ZNF624: variants seen among roughly 807,000 people sequenced by gnomAD.
ZNF624 encodes zinc finger protein 624.
Under a neutral mutation model 74.7 loss-of-function variants are expected in ZNF624, and 43 were observed. The ratio of observed to expected loss-of-function variants is 0.58; its 90% CI spans 0.45 to 0.74. The LOEUF (loss-of-function observed/expected upper bound fraction) is 0.74, where lower values mean the gene tolerates loss of function less well. ZNF624 is among the 30% of genes least tolerant of loss of function. ZNF624 has a pLI of 0.00. For synonymous variants in ZNF624, 331 were observed against 341.3 expected (o/e 0.97, Z 0.33); for missense variants, 820 against 1,030.0 (o/e 0.80, Z 2.79).
In ZNF624 at chr17:16,624,103, T is replaced by G; in HGVS notation, c.783A>C (p.Ser261=). 1 of 1,614,222 alleles carries G rather than the reference T, an allele frequency of 6.2e-7. No homozygotes were observed. The highest frequency in any genetic ancestry group is 8.5e-7 in the Non-Finnish European group (1 of 1,180,032). Residue 261 remains serine, a synonymous_variant, in exon 6 of 6, where the codon TCA becomes TCC. Transcript: ENST00000311331. ...TGGATTTTTTCCCCAAAGTTAGTTC[T>G]GAAGTCTGCCTTATGGCTTTGCTGC... ...MKGSKAIRQT[S]ELTLGKKSNN... is the part of the protein sequence containing the mutation.
intron 2 of ZNF624, among the ~76,000 whole-genome samples, chr17:16,649,413 C>T (rs1269544713): frequency 1.3e-5 from 2 of 152,106 alleles, no homozygotes; most frequent in East Asian, 3.8e-4. Context: ...ATTAAAGATG[C>T]CTGTCATAAC....
At chr17:16,647,955 CAG>C (rs1490138588) in intron 2 of ZNF624, among the ~76,000 whole-genome samples, 1 of 151,146 alleles carries the variant, frequency 6.6e-6, no homozygotes, top group East Asian at 1.9e-4. Context: ...TTTTTTGAGA[CAG>C]AGTCTTACTC....
Position 16,622,491 on chromosome 17 carries a change from G to C in ZNF624, c.2395C>G (p.Gln799Glu), listed in dbSNP as rs1908943739. ...GGCCTCTCCCCAGTATGAATTCTCTGATGTAGGGTTAGCTGTGATAGAGTA... is the reference window on the plus strand; with the variant it reads ...GGCCTCTCCCCAGTATGAATTCTCTCATGTAGGGTTAGCTGTGATAGAGTA... ...CITLSQLTLH[Q>E]RIHTGERPYK... The change falls in exon 6 of 6, where the codon CAG becomes GAG. Residue 799 changes from glutamine (Q) to glutamate (E), a missense_variant. Physicochemically the swap from Gln to Glu is conservative, Grantham distance 29. Coordinates refer to ENST00000311331, the MANE Select transcript of ZNF624 (RefSeq NM_020787.4). The C allele has an allele frequency of 1.9e-6, 3 of 1,613,770 alleles. No individual in the cohort carries two copies. The highest frequency in any genetic ancestry group is 3.3e-5 in the Admixed American group (2 of 60,004).
At chr17:16,642,755 T>C (rs1368194864) in intron 3 of ZNF624, among the ~76,000 whole-genome samples, 1 of 152,182 alleles carries the variant, frequency 6.6e-6, no homozygotes, top group Non-Finnish European at 1.5e-5. Flanking sequence ...AGAAAATATT[T>C]ACAAACCATT....
chr17:16,617,755 C>T, downstream of ZNF624: 3 of 1,604,488 alleles, frequency 1.9e-6, no homozygotes, highest in South Asian at 3.3e-5. Context: ...CGGGAGTCCT[C>T]GAACTCCACG....
downstream of ZNF624, among the ~76,000 whole-genome samples, chr17:16,620,083 G>A (rs16959857): frequency 2.0e-5 from 3 of 152,028 alleles, no homozygotes; most frequent in African/African-American, 7.3e-5. Context: ...TCACATCAGT[G>A]TCTTTCCCAA....
At chr17:16,625,942 A>G (rs2142577602) in intron 5 of ZNF624, among the ~76,000 whole-genome samples, 1 of 151,330 alleles carries the variant, frequency 6.6e-6, no homozygotes, top group Middle Eastern at 3.4e-3. Flanking sequence ...GAATGGTTTT[A>G]TGATTTTTTT....
intron 3 of ZNF624, among the ~76,000 whole-genome samples, chr17:16,645,633 CAA>C (rs747605908): frequency 1.8e-5 from 2 of 108,278 alleles, no homozygotes; most frequent in Admixed American, 9.9e-5. Context: ...GACTACGCTA[CAA>C]AAAAAAAAAA....
chr17:16,648,626 A>G (rs2142656722), intron 2 of ZNF624, among the ~76,000 whole-genome samples: 1 of 152,368 alleles, frequency 6.6e-6, no homozygotes, highest in African/African-American at 2.4e-5. Context: ...GACCACAATC[A>G]CGGGTTATTA....
Position 16,635,527 on chromosome 17 carries a change from G to A in ZNF624, c.154-771C>T, listed in dbSNP as rs576418826. Among the ~76,000 whole-genome samples, 138 of 152,104 alleles carry A rather than the reference G, an allele frequency of 9.1e-4. 1 individual carries two copies. Among genetic ancestry groups the A allele is most frequent in the African/African-American group, 3.2e-3 (134 of 41,502 alleles). On this transcript the variant is annotated intron_variant, in intron 3 of 5. Coordinates refer to ENST00000311331, the MANE Select transcript of ZNF624 (RefSeq NM_020787.4). ...ATTAAGAGTAACATGAAACCAGCTG[G>A]TAGCATACTCACTCATTAGAGAGGA...
intron 4 of ZNF624, 152 bp downstream of exon 4, chr17:16,634,478 G>T: frequency 1.4e-6 from 1 of 727,182 alleles, no homozygotes; most frequent in Non-Finnish European, 2.2e-6. Flanking sequence ...TCTACAATGG[G>T]CAGATCATGT....
intron 3 of ZNF624, among the ~76,000 whole-genome samples, chr17:16,643,942 C>CA (rs1219714084): frequency 2.6e-5 from 4 of 152,170 alleles, no homozygotes; most frequent in Admixed American, 6.5e-5. Context: ...GTGTTTGTGT[C>CA]ATGGGGCTGG....
At position 16,623,327 on chromosome 17, in the gene ZNF624, C is replaced by T. The variant is rs140933333; in HGVS notation, c.1559G>A (p.Arg520Gln). ...NRIANFTEHQRIHTGEKPYKC... is the reference protein window; with the variant it reads ...NRIANFTEHQQIHTGEKPYKC... ...ATAGGGTTTTTCTCCTGTGTGAATT[C>T]GCTGATGTTCTGTGAAATTTGCGAT... The change falls in exon 6 of 6, where the codon CGA becomes CAA. Residue 520 changes from arginine (R) to glutamine (Q), a missense_variant. Transcript: ENST00000311331. This position sits in a 1 kb window ranked among gnomAD's most constrained non-coding sequence, Gnocchi z 5.3. 62 of 1,613,262 alleles carry T rather than the reference C, an allele frequency of 3.8e-5. 1 individual carries two copies. Among genetic ancestry groups the T allele is most frequent in the Admixed American group, 3.3e-4 (20 of 59,962 alleles).
chr17:16,622,108 T>G lies in ZNF624; in HGVS notation c.*180A>C, dbSNP rs1908928828. On this transcript the variant is annotated 3_prime_UTR_variant, in exon 6 of 6. Transcript: ENST00000311331. Reference sequence around the variant, plus strand: ...TCATTTGTTCATTATTTTCCTCTAGTGAGAGTTTCCTTATAACTTCTAAGA... The same window carrying G: ...TCATTTGTTCATTATTTTCCTCTAGGGAGAGTTTCCTTATAACTTCTAAGA... 2.3e-6 allele frequency: 1 copy of G among 436,878 alleles called. No individual in the cohort carries two copies. Among genetic ancestry groups the G allele is most frequent in the African/African-American group, 2.0e-5 (1 of 49,516 alleles). 27.1% of individuals were successfully genotyped at this position (436,878 alleles called of 1,614,324 possible). A position where few individuals can be genotyped will look rare whatever the true frequency, so the allele number is the denominator to read the frequency against.
intron 3 of ZNF624, among the ~76,000 whole-genome samples, chr17:16,642,556 T>C (rs1474619121): frequency 2.6e-5 from 4 of 152,110 alleles, no homozygotes; most frequent in African/African-American, 7.2e-5. Context: ...AACTAAACTA[T>C]AAAACTGTTA....
chr17:16,644,969 T>C (rs746887095), intron 3 of ZNF624, among the ~76,000 whole-genome samples: 1 of 152,154 alleles, frequency 6.6e-6, no homozygotes, highest in Non-Finnish European at 1.5e-5. Context: ...ACATGAGGGG[T>C]TTCTGAATAT....
At chr17:16,635,683 C>T (rs1390422964) in intron 3 of ZNF624, among the ~76,000 whole-genome samples, 1 of 152,016 alleles carries the variant, frequency 6.6e-6, no homozygotes, top group Admixed American at 6.5e-5. Context: ...ATTACAGTGA[C>T]AGACATGTTA....
At chr17:16,642,623 T>C (rs995932336) in intron 3 of ZNF624, among the ~76,000 whole-genome samples, 5 of 152,166 alleles carry the variant, frequency 3.3e-5, no homozygotes. Flanking sequence ...AATTATTAGA[T>C]ATGACACCAA....
chr17:16,633,701 A>G (rs998576850), intron 5 of ZNF624, among the ~76,000 whole-genome samples, 161 bp downstream of exon 5: 5 of 152,284 alleles, frequency 3.3e-5, no homozygotes, highest in Admixed American at 2.6e-4. Flanking sequence ...GGGAGAGAGA[A>G]GATGGGGGTG....
Sources: allele counts gnomAD v4.1 joint callset (sites outside exome capture counted in the v4.1 genomes callset), GRCh38; gene constraint gnomAD v4.1.1; non-coding constraint Gnocchi (gnomAD v3.1); transcripts MANE v1.5; gene names NCBI Gene and HGNC (gene_info 2026-07-23, HGNC 2026-07-21).